Variants in CAST observed in about 807,000 individuals in gnomAD.
CAST encodes calpastatin, also known as MIR583 host.
CAST carries 76 observed loss-of-function variants against 119.6 expected under a neutral mutation model. The ratio of observed to expected loss-of-function variants is 0.64; its 90% CI spans 0.53 to 0.77. The LOEUF (loss-of-function observed/expected upper bound fraction) is 0.77, where lower values mean the gene tolerates loss of function less well. Ranked by LOEUF, CAST falls within the 30% of genes least tolerant of loss-of-function variation. The pLI is 0.00. For synonymous variants in CAST, 319 were observed against 331.6 expected, an observed-to-expected ratio of 0.96 and a Z score of 0.41; for missense variants, 953 against 946.5, an observed-to-expected ratio of 1.01 and a Z score of -0.09.
At chr5:96,639,599 G>A (rs983818733) in intron 1 of CAST, among the ~76,000 whole-genome samples, 9 of 152,218 alleles carry the variant, frequency 5.9e-5, no homozygotes, top group African/African-American at 2.2e-4. Flanking sequence ...AAGGGAGCTC[G>A]TAGACAAGTG....
the CAST span, among the ~76,000 whole-genome samples, chr5:96,083,126 A>G: frequency 2.0e-5 from 3 of 152,198 alleles, no homozygotes; most frequent in African/African-American, 7.2e-5. Flanking sequence ...TAAACAGGTA[A>G]ATTGAGATAC....
the CAST span, among the ~76,000 whole-genome samples, chr5:96,195,365 C>G: frequency 6.6e-6 from 1 of 152,126 alleles, no homozygotes; most frequent in African/African-American, 2.4e-5. Flanking sequence ...TGGACCTCAA[C>G]TTAGATCTGT....
chr5:96,106,492 T>A, the CAST span, among the ~76,000 whole-genome samples: 2 of 152,172 alleles, frequency 1.3e-5, no homozygotes, highest in East Asian at 3.9e-4. Flanking sequence ...CCAGTAGTCA[T>A]TCAGGAGCAG....
chr5:96,554,450 T>G (rs967696039), intron 1 of CAST, among the ~76,000 whole-genome samples: 2 of 152,006 alleles, frequency 1.3e-5, no homozygotes, highest in Non-Finnish European at 2.9e-5. Context: ...ACCATAAAAA[T>G]CCTAGAAGAA....
At chr5:96,391,424 T>C in the CAST span, 7 of 152,214 alleles carry the variant, frequency 4.6e-5, no homozygotes, top group African/African-American at 7.2e-5. Context: ...GGAGACTTTG[T>C]AAGCATATTG....
upstream of CAST, among the ~76,000 whole-genome samples, chr5:96,520,318 T>C (rs1745494264): frequency 6.6e-6 from 1 of 152,220 alleles, no homozygotes. Context: ...AGGGAGAGAA[T>C]GGAGAATGTG....
At chr5:96,362,932 T>C in the CAST span, among the ~76,000 whole-genome samples, 11 of 152,244 alleles carry the variant, frequency 7.2e-5, no homozygotes, top group Non-Finnish European at 1.6e-4. Flanking sequence ...TGAATGGTAT[T>C]GCTAAGGTTT....
At chr5:96,630,631 A>G (rs923766370) in intron 1 of CAST, among the ~76,000 whole-genome samples, 1 of 152,016 alleles carries the variant, frequency 6.6e-6, no homozygotes, top group Non-Finnish European at 1.5e-5. Context: ...TACTAAAAAT[A>G]CAAAATTAGC....
chr5:96,688,515 C>T (rs1443345806), intron 2 of CAST, among the ~76,000 whole-genome samples: 4 of 152,134 alleles, frequency 2.6e-5, no homozygotes, highest in South Asian at 2.1e-4. Context: ...AAAATCATAG[C>T]GCTGATATAC....
intron 1 of CAST, among the ~76,000 whole-genome samples, chr5:96,569,288 G>A (rs181751198): frequency 3.9e-5 from 6 of 152,324 alleles, no homozygotes; most frequent in African/African-American, 1.4e-4. Flanking sequence ...CAATCAAAAA[G>A]TATCATGTCA....
chr5:95,979,051 G>A, the CAST span, among the ~76,000 whole-genome samples: 1 of 152,086 alleles, frequency 6.6e-6, no homozygotes, highest in Non-Finnish European at 1.5e-5. Flanking sequence ...AAAAATCCAA[G>A]TGGTTCATAT....
At chr5:96,573,750 T>A (rs1329198873) in intron 1 of CAST, among the ~76,000 whole-genome samples, 1 of 152,220 alleles carries the variant, frequency 6.6e-6, no homozygotes, top group East Asian at 1.9e-4. Flanking sequence ...TACATAAATT[T>A]AAACAGTTCC....
the CAST span, among the ~76,000 whole-genome samples, chr5:96,018,014 C>T: frequency 1.8e-4 from 27 of 152,188 alleles, no homozygotes; most frequent in East Asian, 4.0e-3. Context: ...AATTTAACTA[C>T]CAGTACTGAT....
At chr5:96,704,397 AAC>A (rs1754521311) in intron 3 of CAST, among the ~76,000 whole-genome samples, 1 of 152,244 alleles carries the variant, frequency 6.6e-6, no homozygotes, top group Non-Finnish European at 1.5e-5. Flanking sequence ...TACGTAAAGT[AAC>A]AGTTTGAAAG....
chr5:96,367,350 C>T, the CAST span, among the ~76,000 whole-genome samples: 1 of 152,174 alleles, frequency 6.6e-6, no homozygotes, highest in Non-Finnish European at 1.5e-5. Context: ...CTCTTCAAAG[C>T]TGTCAGACAG....
At chr5:96,687,289 C>T (rs927115320) in intron 2 of CAST, among the ~76,000 whole-genome samples, 1 of 152,094 alleles carries the variant, frequency 6.6e-6, no homozygotes, top group Non-Finnish European at 1.5e-5. Flanking sequence ...CAGAGATGAA[C>T]GTGGAAGTCC....
At chr5:96,125,238 A>T in the CAST span, among the ~76,000 whole-genome samples, 1 of 152,122 alleles carries the variant, frequency 6.6e-6, no homozygotes, top group Non-Finnish European at 1.5e-5. Context: ...TAACATTTTA[A>T]ATGGTGTCTA....
At chr5:96,422,195 C>A in the CAST span, among the ~76,000 whole-genome samples, 1 of 151,966 alleles carries the variant, frequency 6.6e-6, no homozygotes, top group Non-Finnish European at 1.5e-5. Context: ...TGTTACCAAG[C>A]CTATGGTTCA....
Position 96,765,273 on chromosome 5 carries a change from G to C in CAST, c.1985G>C (p.Gly662Ala). ...TTGGATAAACTCTCTGACAGTCTAG[G>C]ACAAAGGCAGCCTGACCCAGATGAG... is the stretch of plus-strand genomic sequence containing the variant. ...DALDKLSDSLGQRQPDPDENK... is the reference protein window; with the variant it reads ...DALDKLSDSLAQRQPDPDENK... Residue 662 changes from glycine (G) to alanine (A), a missense_variant, in exon 26 of 32, where the codon GGA (glycine) becomes GCA (alanine). Gly to Ala is a moderately conservative substitution (Grantham distance 60, BLOSUM62 0). Coordinates refer to ENST00000675179, the MANE Select transcript of CAST (RefSeq NM_001750.7). The C allele has an allele frequency of 1.3e-6, 2 of 1,596,868 alleles. No individual in the cohort carries two copies. The highest frequency in any genetic ancestry group is 1.7e-6 in the Non-Finnish European group (2 of 1,173,090).
Sources: allele counts gnomAD v4.1 joint callset (sites outside exome capture counted in the v4.1 genomes callset), GRCh38; gene constraint gnomAD v4.1.1; transcripts MANE v1.5; gene names NCBI Gene and HGNC (gene_info 2026-07-23, HGNC 2026-07-21).